The following RIOK2 variants were observed in gnomAD, a reference collection of about 807,000 sequenced individuals.
The protein encoded by RIOK2 is serine/threonine-protein kinase RIO2.
A neutral mutation model predicts 62.4 loss-of-function variants in RIOK2; 46 were observed. The observed-to-expected ratio is 0.74, with a 90% CI of 0.58 to 0.94. RIOK2 has a LOEUF of 0.94. Ranked by LOEUF, RIOK2 falls within the 40% of genes least tolerant of loss-of-function variation. The probability of loss-of-function intolerance (pLI) is 0.00; values close to 1 mark genes in which losing one functional copy is unlikely to be tolerated. For missense variants in RIOK2, 574 were observed against 658.0 expected (o/e 0.87, Z 1.40); for synonymous variants, 197 against 216.0 (o/e 0.91, Z 0.77).
At chr5:97,181,293 G>A (rs930505075) in intron 1 of RIOK2, among the ~76,000 whole-genome samples, 6 of 150,776 alleles carry the variant, frequency 4.0e-5, no homozygotes, top group East Asian at 1.9e-4. Flanking sequence ...AAAAGAAAGA[G>A]AGAAAATTAA....
chr5:97,177,063 G>A (rs1749186417), intron 4 of RIOK2, 53 bp downstream of exon 4: 2 of 1,469,112 alleles, frequency 1.4e-6, no homozygotes, highest in Middle Eastern at 2.3e-4. Flanking sequence ...AGGCCTTTGA[G>A]ACACATGTAT....
At chr5:97,179,963 TTATATATATATATAA>T (rs1749292390) in intron 1 of RIOK2, among the ~76,000 whole-genome samples, 1 of 47,400 alleles carries the variant, frequency 2.1e-5, no homozygotes, top group African/African-American at 7.2e-5. Context: ...TAAAAGTATT[TTATATATATATATAA>T]TATATATATA....
intron 6 of RIOK2, among the ~76,000 whole-genome samples, chr5:97,170,302 T>C (rs1748965748): frequency 6.6e-6 from 1 of 152,228 alleles, no homozygotes; most frequent in Admixed American, 6.5e-5. Context: ...ATAAGTAATG[T>C]GAAGAATATG....
At chr5:97,169,217 A>G (rs1402806906) in intron 6 of RIOK2, among the ~76,000 whole-genome samples, 6 of 152,212 alleles carry the variant, frequency 3.9e-5, no homozygotes, top group Non-Finnish European at 7.4e-5. Flanking sequence ...GTTCGTCCTG[A>G]GTCTGGCTAT....
At chr5:97,164,931 C>G (rs979785863) in intron 9 of RIOK2, 120 bp downstream of exon 9, 8 of 500,834 alleles carry the variant, frequency 1.6e-5, no homozygotes, top group Non-Finnish European at 1.7e-5. Flanking sequence ...CAAGACAAGT[C>G]AAAAAGCAAT....
intron 1 of RIOK2, among the ~76,000 whole-genome samples, chr5:97,179,989 TAAA>T (rs1292242564): frequency 8.6e-5 from 4 of 46,702 alleles, no homozygotes; most frequent in African/African-American, 2.1e-4. Context: ...TATATATATA[TAAA>T]ATATATATAT....
In RIOK2 at chr5:97,171,259, G is replaced by T. The variant is rs748501570; in HGVS notation, c.726C>A (p.Ile242=). The change falls in exon 6 of 10, where the codon ATC becomes ATA. Residue 242 remains isoleucine, a synonymous_variant. Coordinates refer to ENST00000283109, the MANE Select transcript of RIOK2 (RefSeq NM_018343.3). ...FNLILDESDH[I]TMIDFPQMVS... ...CCATCTGTGGAAAATCAATCATGGT[G>T]ATATGGTCACTTTCATCCAAAATGA... 1.9e-6 allele frequency: 3 copies of T among 1,604,124 alleles called. No individual in the cohort carries two copies. The highest frequency in any genetic ancestry group is 8.5e-7 in the Non-Finnish European group (1 of 1,174,910).
chr5:97,181,585 C>T (rs985993253), intron 1 of RIOK2, among the ~76,000 whole-genome samples: 3 of 151,998 alleles, frequency 2.0e-5, no homozygotes, highest in African/African-American at 4.8e-5. Context: ...CAACTGAGAC[C>T]GGAATGTCAT....
Position 97,167,712 on chromosome 5 carries a change from C to G in RIOK2, c.1152G>C (p.Glu384Asp). The G allele has an allele frequency of 6.2e-7, 1 of 1,614,184 alleles. No homozygotes were observed. Among genetic ancestry groups the G allele is most frequent in the Middle Eastern group, 1.6e-4 (1 of 6,062 alleles). Residue 384 changes from glutamate (E) to aspartate (D), a missense_variant, in exon 8 of 10, where the codon GAG becomes GAC. Transcript: ENST00000283109. ...EQIKEDSLSE[E>D]SADARSFEMT... Reference sequence around the variant, plus strand: ...TTTCAAAACTCCGTGCATCAGCACTCTCTTCTGATAAACTGTCTTCCTTTA... The same window carrying G: ...TTTCAAAACTCCGTGCATCAGCACTGTCTTCTGATAAACTGTCTTCCTTTA...
At position 97,179,301 on chromosome 5, in the gene RIOK2, C is replaced by G. The variant is rs1295373825; in HGVS notation, c.67-108G>C. 6.3e-6 allele frequency: 6 copies of G among 946,074 alleles called. No individual in the cohort carries two copies. The East Asian group carries it at 1.5e-4, about 24-fold the overall frequency. The allele number at this position is 946,074 out of a possible 1,614,324, so 58.6% of individuals were successfully genotyped here. A position where few individuals can be genotyped will look rare whatever the true frequency, so the allele number is the denominator to read the frequency against. ...AAGCTTTCCTGACTATGCAGTTCTC[C>G]AACTAATTCTGAGACATAATCACTT... On this transcript the variant is annotated intron_variant, in intron 1 of 9. Coordinates refer to ENST00000283109, the MANE Select transcript of RIOK2 (RefSeq NM_018343.3).
Position 97,183,245 on chromosome 5 carries a change from G to A in RIOK2, c.-54C>T. ...CTCCGACGACAGCCGCAAAGCGTAA[G>A]GCAGGTCGTTATTCCAGCCTCTAAG... On this transcript the variant is annotated 5_prime_UTR_variant, in exon 1 of 10. Transcript: ENST00000283109. 6.3e-7 allele frequency: 1 copy of A among 1,589,654 alleles called. No individual in the cohort carries two copies. Among genetic ancestry groups the A allele is most frequent in the Non-Finnish European group, 8.6e-7 (1 of 1,163,532 alleles).
intron 2 of RIOK2, among the ~76,000 whole-genome samples, 155 bp from the exon 3 acceptor site, chr5:97,178,003 T>G (rs751837104): frequency 7.9e-5 from 12 of 152,216 alleles, no homozygotes; most frequent in Non-Finnish European, 1.8e-4. Flanking sequence ...TCCTATAATT[T>G]GCATTTCTTC....
At chr5:97,170,078 C>T (rs1256625917) in intron 6 of RIOK2, among the ~76,000 whole-genome samples, 1 of 152,092 alleles carries the variant, frequency 6.6e-6, no homozygotes. Context: ...GATGAAGAGA[C>T]GCTTCACTTA....
chr5:97,168,703 A>T (rs1217357504), intron 7 of RIOK2, 57 bp downstream of exon 7: 5 of 1,071,482 alleles, frequency 4.7e-6, no homozygotes, highest in Non-Finnish European at 6.6e-6. Context: ...ATTTTTAGAA[A>T]TACACAGACC....
At chr5:97,163,725 CAT>C (rs1303988585) in intron 9 of RIOK2, among the ~76,000 whole-genome samples, 2 of 152,176 alleles carry the variant, frequency 1.3e-5, no homozygotes, top group African/African-American at 4.8e-5. Context: ...GTGCAAGTCA[CAT>C]GACTTACAAG....
At position 97,162,896 on chromosome 5, in the gene RIOK2, A is replaced by AATT. The variant is rs1491030481; in HGVS notation, c.*162_*164dup. The stretch of plus-strand genomic sequence containing the variant: ...AAAAAAATGGACTGCTTTGGCAGGT[A>AATT]ATTATTCTTTGCAAGACACATACTG... On this transcript the variant is annotated 3_prime_UTR_variant, in exon 10 of 10. Coordinates refer to ENST00000283109, the MANE Select transcript of RIOK2 (RefSeq NM_018343.3). The AATT allele has an allele frequency of 1.8e-6, 1 of 569,324 alleles. No individual in the cohort carries two copies. The highest frequency in any genetic ancestry group is 1.9e-5 in the African/African-American group (1 of 52,154). The allele number at this position is 569,324 out of a possible 1,614,324, so 35.3% of individuals were successfully genotyped here. A position where few individuals can be genotyped will look rare whatever the true frequency, so the allele number is the denominator to read the frequency against.
chr5:97,163,643 C>T (rs1748763960), intron 9 of RIOK2, among the ~76,000 whole-genome samples: 1 of 152,116 alleles, frequency 6.6e-6, no homozygotes, highest in Non-Finnish European at 1.5e-5. Context: ...CTGATGGTAG[C>T]AATCACCCAT....
chr5:97,161,881 A>C lies in RIOK2; in HGVS notation c.*1180T>G, dbSNP rs990463911. On this transcript the variant is annotated 3_prime_UTR_variant, in exon 10 of 10. Coordinates refer to ENST00000283109, the MANE Select transcript of RIOK2 (RefSeq NM_018343.3). ...TACCTGAATTCAAAGATATATCTAAAATGCAAAGCAAGGGTATTTAAATAT... is the reference window on the plus strand; with the variant it reads ...TACCTGAATTCAAAGATATATCTAACATGCAAAGCAAGGGTATTTAAATAT... The C allele has an allele frequency of 6.6e-6, 1 of 152,238 alleles. No individual in the cohort carries two copies. Among genetic ancestry groups the C allele is most frequent in the African/African-American group, 2.4e-5 (1 of 41,470 alleles). The allele number at this position is 152,238 out of a possible 1,614,324, so 9.4% of individuals were successfully genotyped here. A position where few individuals can be genotyped will look rare whatever the true frequency, so the allele number is the denominator to read the frequency against.
chr5:97,166,913 G>GTATA (rs879481397), intron 8 of RIOK2: 4 of 939,600 alleles, frequency 4.3e-6, no homozygotes, highest in Non-Finnish European at 5.1e-6. Context: ...TCATCAGTTT[G>GTATA]TATATATATA....
Sources: allele counts gnomAD v4.1 joint callset (sites outside exome capture counted in the v4.1 genomes callset), GRCh38; gene constraint gnomAD v4.1.1; transcripts MANE v1.5; gene names NCBI Gene and HGNC (gene_info 2026-07-23, HGNC 2026-07-21).